Variants in BIRC6 observed in about 807,000 individuals in gnomAD.
BIRC6 encodes baculoviral IAP repeat containing 6, also known as dual E2 ubiquitin-conjugating enzyme/E3 ubiquitin-protein ligase BIRC6.
BIRC6 carries 98 observed loss-of-function variants against 503.3 expected under a neutral mutation model. The observed-to-expected ratio is 0.19, with a 90% CI of 0.17 to 0.23. BIRC6 has a LOEUF of 0.23. Among genes scored for constraint, BIRC6 ranks in the 10% least tolerant of loss-of-function variants. BIRC6 has a pLI of 1.00. For synonymous variants in BIRC6, 2,240 were observed against 2,078.7 expected, an observed-to-expected ratio of 1.08 and a Z score of -2.11; for missense variants, 5,360 against 5,806.0, an observed-to-expected ratio of 0.92 and a Z score of 2.50.
At chr2:32,584,422 G>A (rs1490413965) in intron 66 of BIRC6, among the ~76,000 whole-genome samples, 2 of 152,148 alleles carry the variant, frequency 1.3e-5, no homozygotes, top group East Asian at 3.9e-4. Flanking sequence ...AATCCCAGCT[G>A]CTTGGGAGGC....
At chr2:32,414,581 C>T (rs916914775) in intron 9 of BIRC6, among the ~76,000 whole-genome samples, 188 bp from the exon 10 acceptor site, 1 of 152,096 alleles carries the variant, frequency 6.6e-6, no homozygotes, top group Non-Finnish European at 1.5e-5. Flanking sequence ...GCACTAGAAT[C>T]ACTTGAACCT....
At chr2:32,611,108 C>CTTTTTTTTTTTTTTTTTTTTTTTT (rs1245765148) in intron 72 of BIRC6, among the ~76,000 whole-genome samples, 15 of 126,160 alleles carry the variant, frequency 1.2e-4, no homozygotes, top group Admixed American at 1.1e-3. Context: ...ATTAAATTGC[C>CTTTTTTTTTTTTTTTTTTTTTTTT]TTTTTTTTTT....
intron 3 of BIRC6, among the ~76,000 whole-genome samples, chr2:32,383,723 G>T (rs1037806976): frequency 1.3e-5 from 2 of 151,904 alleles, no homozygotes; most frequent in African/African-American, 4.8e-5. Flanking sequence ...GTAGAGACGG[G>T]GTTTCACTGT....
At chr2:32,609,856 G>A (rs2062738171) in intron 72 of BIRC6, among the ~76,000 whole-genome samples, 1 of 151,928 alleles carries the variant, frequency 6.6e-6, no homozygotes, top group Admixed American at 6.6e-5. Flanking sequence ...AAGCAAATAT[G>A]TATAATTTGA....
intron 71 of BIRC6, among the ~76,000 whole-genome samples, chr2:32,605,383 G>A (rs2062377328): frequency 1.3e-5 from 2 of 152,150 alleles, no homozygotes; most frequent in Admixed American, 6.5e-5. Context: ...CAAAGGAGAT[G>A]AGGTTAAATA....
intron 62 of BIRC6, among the ~76,000 whole-genome samples, chr2:32,544,462 C>T (rs1187514123): frequency 1.3e-5 from 2 of 149,052 alleles, no homozygotes; most frequent in African/African-American, 4.9e-5. Flanking sequence ...ATTTGGGTGA[C>T]GTCTGCATTT....
At chr2:32,403,214 T>G (rs1019760181) in intron 8 of BIRC6, among the ~76,000 whole-genome samples, 2 of 152,252 alleles carry the variant, frequency 1.3e-5, no homozygotes, top group African/African-American at 4.8e-5. Flanking sequence ...CTGTTGGAAT[T>G]GATAGTGAAT....
intron 4 of BIRC6, among the ~76,000 whole-genome samples, chr2:32,390,893 A>C (rs933783310): frequency 6.6e-6 from 1 of 152,214 alleles, no homozygotes; most frequent in Non-Finnish European, 1.5e-5. Flanking sequence ...AGTCGTATTA[A>C]CAATTGGGCA....
At chr2:32,585,797 GTA>G (rs2060985301) in intron 66 of BIRC6, among the ~76,000 whole-genome samples, 1 of 152,040 alleles carries the variant, frequency 6.6e-6, no homozygotes, top group Non-Finnish European at 1.5e-5. Flanking sequence ...ACATAGTTGC[GTA>G]TAGTTATATA....
intron 10 of BIRC6, among the ~76,000 whole-genome samples, chr2:32,428,801 G>A (rs542971912): frequency 2.6e-4 from 40 of 152,188 alleles, no homozygotes; most frequent in Admixed American, 9.8e-4. Context: ...TATAGCTAGT[G>A]CCTCATCTGT....
intron 72 of BIRC6, among the ~76,000 whole-genome samples, chr2:32,607,912 C>T (rs2151654640): frequency 8.1e-6 from 1 of 124,216 alleles, no homozygotes; most frequent in African/African-American, 3.1e-5. Context: ...GCGGAAGTTG[C>T]AGAGAGCTGA....
rs1372820399 is a variant in BIRC6 at position 32,518,909 on chromosome 2, C to T, written c.11586C>T (p.Val3862=). The T allele has an allele frequency of 3.7e-6, 6 of 1,613,796 alleles. No individual in the cohort carries two copies. The highest frequency in any genetic ancestry group is 2.2e-5 in the East Asian group (1 of 44,846). ...GHKFRTLHLP[V]STTLSDVLDR... is the part of the protein sequence containing the mutation. ...AATTCCGTACTCTTCATTTGCCAGT[C>T]TCAACAACATTATCAGATGTTCTTG... is the stretch of plus-strand genomic sequence containing the variant. Residue 3862 remains valine (V), a synonymous_variant, in exon 57 of 74, where the codon GTC becomes GTT. Transcript: ENST00000421745.
chr2:32,383,053 AT>A (rs931088414), intron 3 of BIRC6, among the ~76,000 whole-genome samples: 3 of 135,318 alleles, frequency 2.2e-5, no homozygotes, highest in Non-Finnish European at 3.2e-5. Context: ...TTTTAATTTA[AT>A]TTTTTTTTCT....
chr2:32,545,170 G>C (rs959692597), intron 62 of BIRC6, among the ~76,000 whole-genome samples: 3 of 152,048 alleles, frequency 2.0e-5, no homozygotes, highest in African/African-American at 7.2e-5. Context: ...TACCATCCAT[G>C]TAGCATTGCT....
chr2:32,435,355 CACAGAAGTTCCCAAGTTA>C, intron 13 of BIRC6, 123 bp from the exon 14 acceptor site: 1 of 897,894 alleles, frequency 1.1e-6, no homozygotes, highest in Non-Finnish European at 1.6e-6. Flanking sequence ...TGATGAAAAT[CACAGAAGTTCCCAAGTTA>C]ACAGGAAATT....
At chr2:32,562,004 T>TAG (rs1339135395) in intron 65 of BIRC6, among the ~76,000 whole-genome samples, 1 of 151,974 alleles carries the variant, frequency 6.6e-6, no homozygotes, top group Non-Finnish European at 1.5e-5. Context: ...ATCATGCCAT[T>TAG]GCACTCCAGC....
chr2:32,361,961 G>A (rs1200735608), intron 1 of BIRC6, among the ~76,000 whole-genome samples: 2 of 152,276 alleles, frequency 1.3e-5, no homozygotes, highest in South Asian at 2.1e-4. Flanking sequence ...TGGCTTCCAT[G>A]TTTTGGCAAT....
chr2:32,433,169 T>C (rs571074494), intron 12 of BIRC6, among the ~76,000 whole-genome samples: 6 of 152,180 alleles, frequency 3.9e-5, no homozygotes, highest in South Asian at 4.1e-4. Context: ...TTTTTCATAA[T>C]GAGTTTGAGA....
At chr2:32,476,402 T>G (rs1376470454) in intron 34 of BIRC6, 58 bp downstream of exon 34, 1 of 1,487,926 alleles carries the variant, frequency 6.7e-7, no homozygotes, top group Non-Finnish European at 9.0e-7. Context: ...TTATGATCTT[T>G]AATTACGATC....
Sources: gnomAD v4.1 joint callset for allele counts (sites outside exome capture counted in the v4.1 genomes callset) on GRCh38, gnomAD v4.1.1 for gene constraint, MANE v1.5 for transcripts, NCBI Gene and HGNC (gene_info 2026-07-23, HGNC 2026-07-21) for gene names.